Variants in ZNF292 observed in about 807,000 individuals in gnomAD.
ZNF292 encodes 16 zinc-finger domain protein.
ZNF292 carries 26 observed loss-of-function variants against 217.9 expected under a neutral mutation model. The ratio of observed to expected loss-of-function variants is 0.12; its 90% confidence interval spans 0.09 to 0.17. The LOEUF (loss-of-function observed/expected upper bound fraction) is 0.17, where lower values mean the gene tolerates loss of function less well. Ranked by LOEUF, ZNF292 falls within the 10% of genes least tolerant of loss-of-function variation. The probability of loss-of-function intolerance (pLI) is 1.00; values close to 1 mark genes in which losing one functional copy is unlikely to be tolerated. For synonymous variants in ZNF292, 1,257 were observed against 1,124.1 expected (o/e 1.12, Z -2.37); for missense variants, 2,904 against 3,175.2 (o/e 0.91, Z 2.05).
At chr6:87,192,047 A>T (rs192121029) in intron 1 of ZNF292, among the ~76,000 whole-genome samples, 87 of 152,318 alleles carry the variant, frequency 5.7e-4, no homozygotes, top group African/African-American at 1.9e-3. Context: ...AAGCCTTTCT[A>T]AGGGTAACAC....
At chr6:87,251,633 G>T (rs1774925845) in intron 7 of ZNF292, among the ~76,000 whole-genome samples, 1 of 152,092 alleles carries the variant, frequency 6.6e-6, no homozygotes, top group South Asian at 2.1e-4. Context: ...AGATTTTTAT[G>T]GGCAAATCAC....
At chr6:87,250,899 A>G (rs1249911339) in intron 7 of ZNF292, among the ~76,000 whole-genome samples, 1 of 152,202 alleles carries the variant, frequency 6.6e-6, no homozygotes, top group Non-Finnish European at 1.5e-5. Context: ...ACCAGTAGCA[A>G]TATTATATGG....
Position 87,256,680 on chromosome 6 carries a change from C to T in ZNF292, c.3051C>T (p.Thr1017=). 1.9e-6 allele frequency: 3 copies of T among 1,613,290 alleles called. No individual in the cohort carries two copies. Among genetic ancestry groups the T allele is most frequent in the East Asian group, 2.2e-5 (1 of 44,886 alleles). The change falls in exon 8 of 8, where the codon ACC becomes ACT. Residue 1017 remains threonine (T), a synonymous_variant. Coordinates refer to ENST00000369577, the MANE Select transcript of ZNF292 (RefSeq NM_015021.3). ...NSETLKIGDL[T]PQNLERQVNN... The stretch of plus-strand genomic sequence containing the variant: ...AAACTCTCAAAATAGGTGACCTTAC[C>T]CCACAAAACTTAGAAAGACAAGTGA...
At chr6:87,194,087 C>T (rs1051235232) in intron 1 of ZNF292, among the ~76,000 whole-genome samples, 3 of 151,942 alleles carry the variant, frequency 2.0e-5, no homozygotes, top group Admixed American at 6.6e-5. Context: ...AATTGGAGCA[C>T]GGGAAATTCA....
rs369834034 is a variant in ZNF292 at position 87,257,030 on chromosome 6, G to A, written c.3401G>A (p.Arg1134His). The change falls in exon 8 of 8, where the codon CGC becomes CAC. Residue 1134 changes from arginine to histidine, a missense_variant. Coordinates refer to ENST00000369577, the MANE Select transcript of ZNF292 (RefSeq NM_015021.3). ...CAATATGCTGCATTTAAAATGCAGC[G>A]CAAAAGTAAAAAAGGTCAGAAAGCT... is the stretch of plus-strand genomic sequence containing the variant. ...PDQYAAFKMQ[R>H]KSKKGQKANN... 1.6e-4 allele frequency: 263 copies of A among 1,613,544 alleles called. No homozygotes were observed. The highest frequency in any genetic ancestry group is 1.1e-3 in the South Asian group (103 of 91,068).
At chr6:87,198,180 TTTTATTTATTTA>T (rs146558783) in intron 1 of ZNF292, among the ~76,000 whole-genome samples, 27 of 147,622 alleles carry the variant, frequency 1.8e-4, no homozygotes, top group South Asian at 4.3e-4. Context: ...TGCATGTTTA[TTTTATTTATTTA>T]TTTATTTATT....
intron 7 of ZNF292, chr6:87,249,329 A>G (rs535961587): frequency 1.6e-4 from 65 of 416,130 alleles, no homozygotes; most frequent in South Asian, 1.1e-3. Context: ...GTCTCACTAT[A>G]TTGCCCAGAT....
chr6:87,241,618 C>T (rs59150116), intron 5 of ZNF292, among the ~76,000 whole-genome samples: 12,427 of 152,110 alleles, frequency 0.082, 859 homozygotes, highest in African/African-American at 0.19. Context: ...TGGGATTTCA[C>T]CATGTTGGCC....
At chr6:87,167,318 T>C (rs1770950695) in intron 1 of ZNF292, among the ~76,000 whole-genome samples, 1 of 152,196 alleles carries the variant, frequency 6.6e-6, no homozygotes, top group African/African-American at 2.4e-5. Context: ...TACATTTTGT[T>C]TTCAGTTAAA....
At chr6:87,217,189 A>G (rs1195599691) in intron 3 of ZNF292, among the ~76,000 whole-genome samples, 1 of 152,064 alleles carries the variant, frequency 6.6e-6, no homozygotes. Flanking sequence ...AAAGAGGTAT[A>G]GCCTTAAACT....
intron 1 of ZNF292, among the ~76,000 whole-genome samples, chr6:87,200,259 G>A (rs1772067011): frequency 6.6e-6 from 1 of 152,222 alleles, no homozygotes; most frequent in South Asian, 2.1e-4. Context: ...GAGTCACAAT[G>A]TAAAGGTACA....
Position 87,257,844 on chromosome 6 carries a change from A to G in ZNF292, c.4215A>G (p.Gly1405=), listed in dbSNP as rs1191560364. 3.1e-6 allele frequency: 5 copies of G among 1,613,770 alleles called. No homozygotes were observed. Among genetic ancestry groups the G allele is most frequent in the Non-Finnish European group, 4.2e-6 (5 of 1,179,810 alleles). The change falls in exon 8 of 8, where the codon GGA becomes GGG. Residue 1405 remains glycine (G), a synonymous_variant. Transcript: ENST00000369577. ...GATCTTACTGTAAACCACTGGATGG[A>G]GCCGAAATTGCTCAAGAACTTCTAC... The part of the protein sequence containing the change: ...SKRSYCKPLD[G]AEIAQELLQS...
Position 87,254,770 on chromosome 6 carries a change from G to C in ZNF292, c.1141G>C (p.Asp381His), listed in dbSNP as rs1454626488. 1 of 1,613,816 alleles carries C rather than the reference G, an allele frequency of 6.2e-7. No individual in the cohort carries two copies. The highest frequency in any genetic ancestry group is 8.5e-7 in the Non-Finnish European group (1 of 1,179,854). Reference sequence around the variant, plus strand: ...CAAGACCATTTCATGTTTGTTGCCTGATGATCTGGAAGTTAAACGTGCTTG... The same window carrying C: ...CAAGACCATTTCATGTTTGTTGCCTCATGATCTGGAAGTTAAACGTGCTTG... Reference protein sequence around the residue: ...ICKTISCLLPDDLEVKRACQL... With the variant: ...ICKTISCLLPHDLEVKRACQL... Residue 381 changes from aspartate to histidine, a missense_variant, in exon 8 of 8, where the codon GAT becomes CAT. Transcript: ENST00000369577.
intron 1 of ZNF292, among the ~76,000 whole-genome samples, chr6:87,168,249 A>G (rs908540970): frequency 2.0e-5 from 3 of 152,262 alleles, no homozygotes; most frequent in African/African-American, 7.2e-5. Flanking sequence ...GTAGGACCTC[A>G]TCATTACTAC....
At chr6:87,223,313 G>A (rs1271429562) in intron 4 of ZNF292, 1 of 152,838 alleles carries the variant, frequency 6.5e-6, no homozygotes, top group African/African-American at 2.4e-5. Flanking sequence ...TCGAGTCCCT[G>A]ACCTCAAGTG....
At chr6:87,190,026 C>T (rs914978505) in intron 1 of ZNF292, among the ~76,000 whole-genome samples, 2 of 152,140 alleles carry the variant, frequency 1.3e-5, no homozygotes, top group Non-Finnish European at 1.5e-5. Context: ...TTTTGTTGCT[C>T]AAATTGTTCC....
intron 1 of ZNF292, among the ~76,000 whole-genome samples, chr6:87,165,282 G>T (rs1770878065): frequency 6.6e-6 from 1 of 152,060 alleles, no homozygotes; most frequent in Non-Finnish European, 1.5e-5. Context: ...GTGTTTCTCA[G>T]ATTTCAGTTT....
At position 87,258,656 on chromosome 6, in the gene ZNF292, C is replaced by T. The variant is rs183279203; in HGVS notation, c.5027C>T (p.Thr1676Ile). Residue 1676 changes from threonine (T) to isoleucine (I), a missense_variant, in exon 8 of 8, where the codon ACT becomes ATT. Thr to Ile is a moderately conservative substitution (Grantham distance 89). Coordinates refer to ENST00000369577, the MANE Select transcript of ZNF292 (RefSeq NM_015021.3). ...TTNLHSNVIPTCEPQSLVENL... is the reference protein window; with the variant it reads ...TTNLHSNVIPICEPQSLVENL... ...AACCTTCATTCAAATGTAATTCCAA[C>T]TTGTGAACCTCAGAGTTTGGTGGAA... 1,461 of 1,613,534 alleles carry T rather than the reference C, an allele frequency of 9.1e-4. 2 individuals are homozygous for T. Among genetic ancestry groups the T allele is most frequent in the Admixed American group, 1.4e-3 (85 of 59,890 alleles).
Position 87,257,751 on chromosome 6 carries a change from A to G in ZNF292, c.4122A>G (p.Lys1374=), listed in dbSNP as rs770114287. ...AKWPAIIRDG[K]FICSRCYRAF... ...GGCCTGCAATTATCAGAGATGGGAA[A>G]TTTATCTGTAGCAGGTGTTACAGGG... Residue 1374 remains lysine (K), a synonymous_variant, in exon 8 of 8, where the codon AAA becomes AAG. Transcript: ENST00000369577. The G allele has an allele frequency of 1.9e-6, 3 of 1,613,632 alleles. No homozygotes were observed. The highest frequency in any genetic ancestry group is 2.5e-6 in the Non-Finnish European group (3 of 1,179,796).
Sources: gnomAD v4.1 joint callset for allele counts (sites outside exome capture counted in the v4.1 genomes callset) on GRCh38, gnomAD v4.1.1 for gene constraint, MANE v1.5 for transcripts, NCBI Gene and HGNC (gene_info 2026-07-23, HGNC 2026-07-21) for gene names.